Variants in CFAP68 observed in about 807,000 individuals in gnomAD.
The protein encoded by CFAP68 is cilia- and flagella-associated protein 68.
At chr11:111,882,594 C>T in the CFAP68 span, 11 of 1,559,174 alleles carry the variant, frequency 7.1e-6, no homozygotes, top group Admixed American at 1.4e-4. Context: ...CCCTTGCCTT[C>T]CCAGGTAATC....
chr11:111,885,096 A>G, the CFAP68 span: 3 of 151,468 alleles, frequency 2.0e-5, no homozygotes, highest in African/African-American at 7.3e-5. Flanking sequence ...GGTTGCAGTG[A>G]GCTGAGACGG....
At chr11:111,882,488 C>G in the CFAP68 span, 1 of 1,614,000 alleles carries the variant, frequency 6.2e-7, no homozygotes, top group Non-Finnish European at 8.5e-7. Context: ...GTATGGATGG[C>G]GATGCACCAC....
the CFAP68 span, among the ~76,000 whole-genome samples, chr11:111,880,252 C>A: frequency 6.6e-6 from 1 of 152,020 alleles, no homozygotes; most frequent in Non-Finnish European, 1.5e-5. Flanking sequence ...ATGTTTAGGT[C>A]CATGTTTGCT....
the CFAP68 span, chr11:111,881,484 G>T: frequency 6.5e-7 from 1 of 1,536,044 alleles, no homozygotes; most frequent in South Asian, 1.2e-5. Flanking sequence ...TTTGCTTGGA[G>T]AACTGGGAAA....
At chr11:111,881,228 C>A in the CFAP68 span, 2 of 1,362,220 alleles carry the variant, frequency 1.5e-6, no homozygotes, top group Non-Finnish European at 1.9e-6. Flanking sequence ...GACAGTTACA[C>A]CTAGATCTCC....
At chr11:111,882,435 G>A in the CFAP68 span, 2 of 1,614,168 alleles carry the variant, frequency 1.2e-6, no homozygotes, top group Non-Finnish European at 1.7e-6. Flanking sequence ...GATGGCCATG[G>A]TGAAGTGTGG....
At chr11:111,881,210 G>A in the CFAP68 span, 1 of 1,328,662 alleles carries the variant, frequency 7.5e-7, no homozygotes, top group East Asian at 3.1e-5. Flanking sequence ...TGTCATTCCA[G>A]CCCTAGAGAC....
the CFAP68 span, chr11:111,880,819 A>T: frequency 6.6e-6 from 3 of 456,294 alleles, no homozygotes; most frequent in Admixed American, 2.3e-5. Flanking sequence ...TAACAAGAAC[A>T]TGCTGTATTT....
At chr11:111,883,717 C>T in the CFAP68 span, 28 of 1,236,584 alleles carry the variant, frequency 2.3e-5, no homozygotes, top group South Asian at 3.1e-4. Context: ...ACTAAAACTC[C>T]TTAGTGTTGA....
chr11:111,881,771 A>G, the CFAP68 span, among the ~76,000 whole-genome samples: 7 of 152,230 alleles, frequency 4.6e-5, no homozygotes, highest in Non-Finnish European at 8.8e-5. Context: ...AGGGTACAAT[A>G]ATGAATAAAA....
chr11:111,883,993 C>A, the CFAP68 span: 1 of 755,370 alleles, frequency 1.3e-6, no homozygotes, highest in Non-Finnish European at 2.1e-6. Flanking sequence ...TAGGAGGGAG[C>A]ACATTCTAAG....
the CFAP68 span, chr11:111,882,353 C>T: frequency 6.2e-7 from 1 of 1,601,530 alleles, no homozygotes; most frequent in African/African-American, 1.3e-5. Flanking sequence ...CTTTTCTATT[C>T]TTGTCTTTTC....
the CFAP68 span, among the ~76,000 whole-genome samples, chr11:111,880,156 A>G: frequency 6.6e-6 from 1 of 152,176 alleles, no homozygotes; most frequent in African/African-American, 2.4e-5. Flanking sequence ...GGTTTGCTAC[A>G]TGGGTATATT....
the CFAP68 span, chr11:111,884,897 TC>T: frequency 1.3e-5 from 2 of 152,164 alleles, no homozygotes; most frequent in Non-Finnish European, 2.9e-5. Context: ...ATGCCTGTAA[TC>T]CCAGCACTTT....
the CFAP68 span, chr11:111,881,633 CAG>C: frequency 1.0e-3 from 1,571 of 1,519,396 alleles, 10 homozygotes; most frequent in African/African-American, 0.018. Context: ...CTTCCTAAGT[CAG>C]GGGGCCAGAC....
At chr11:111,882,538 C>A in the CFAP68 span, 3 of 1,613,800 alleles carry the variant, frequency 1.9e-6, no homozygotes, top group African/African-American at 1.3e-5. Flanking sequence ...TGATGGGCAA[C>A]TGGAACCAGG....
At chr11:111,879,770 C>T in the CFAP68 span, among the ~76,000 whole-genome samples, 3 of 152,146 alleles carry the variant, frequency 2.0e-5, no homozygotes, top group Admixed American at 2.0e-4. Context: ...AAACAGGCAA[C>T]TCTGATATGG....
At chr11:111,881,470 T>A in the CFAP68 span, 1 of 1,535,932 alleles carries the variant, frequency 6.5e-7, no homozygotes, top group Admixed American at 2.0e-5. Context: ...TGGGTGATTC[T>A]TTCTTTGCTT....
At chr11:111,879,544 T>A in the CFAP68 span, 7 of 1,611,820 alleles carry the variant, frequency 4.3e-6, no homozygotes, top group Non-Finnish European at 5.9e-6. Flanking sequence ...TTTGAACCTT[T>A]TTTCACCTCG....
Sources: allele counts gnomAD v4.1 joint callset (sites outside exome capture counted in the v4.1 genomes callset), GRCh38; gene constraint gnomAD v4.1.1; transcripts MANE v1.5; gene names NCBI Gene and HGNC (gene_info 2026-07-23, HGNC 2026-07-21).